The following ASXL2 variants were observed in gnomAD, a reference collection of about 807,000 sequenced individuals.
ASXL2 encodes the protein putative Polycomb group protein ASXL2.
In ASXL2, 23 loss-of-function variants were observed where a neutral mutation model predicts 122.0. The observed-to-expected ratio is 0.19, with a 90% CI of 0.14 to 0.27. ASXL2 has a LOEUF of 0.27. Ranked by LOEUF, ASXL2 falls within the 10% of genes least tolerant of loss-of-function variation. ASXL2 has a pLI of 1.00. For missense variants in ASXL2, 1,518 were observed against 1,713.8 expected (o/e 0.89, Z 2.02); for synonymous variants, 650 against 637.0 (o/e 1.02, Z -0.31).
chr2:25,768,965 C>T (rs1362996010), intron 6 of ASXL2, 97 bp from the exon 7 acceptor site: 12 of 1,346,198 alleles, frequency 8.9e-6, no homozygotes, highest in African/African-American at 4.4e-5. Flanking sequence ...GCATGCTGAT[C>T]GTTCAATTTC....
At chr2:25,771,236 A>G (rs931330078) in intron 6 of ASXL2, among the ~76,000 whole-genome samples, 1 of 152,230 alleles carries the variant, frequency 6.6e-6, no homozygotes, top group Non-Finnish European at 1.5e-5. Context: ...TGTCTCAGAA[A>G]AACAAAGTAT....
At chr2:25,810,293 C>A in intron 3 of ASXL2, 1 of 639,460 alleles carries the variant, frequency 1.6e-6, no homozygotes. Context: ...CCTCTTCATA[C>A]TTCCTATCTG....
chr2:25,759,792 T>C (rs1472082911), intron 8 of ASXL2, 147 bp from the exon 9 acceptor site: 1 of 821,168 alleles, frequency 1.2e-6, no homozygotes, highest in African/African-American at 1.7e-5. Context: ...GATCTTAGAA[T>C]TTTCTTCTAA....
At chr2:25,841,442 G>C (rs1420814596) in intron 2 of ASXL2, among the ~76,000 whole-genome samples, 1 of 152,164 alleles carries the variant, frequency 6.6e-6, no homozygotes, top group Admixed American at 6.5e-5. Context: ...GCTGAGGAGT[G>C]GGGAAAGATA....
Position 25,742,310 on chromosome 2 carries a change from A to G in ASXL2, c.4027T>C (p.Ser1343Pro), listed in dbSNP as rs1441233432. 1 of 1,613,214 alleles carries G rather than the reference A, an allele frequency of 6.2e-7. No homozygotes were observed. Among genetic ancestry groups the G allele is most frequent in the Non-Finnish European group, 8.5e-7 (1 of 1,179,768 alleles). Residue 1343 changes from serine (S) to proline (P), a missense_variant, in exon 13 of 13, where the codon TCT becomes CCT. Ser to Pro is a moderately conservative substitution (Grantham distance 74). Coordinates refer to ENST00000435504, the MANE Select transcript of ASXL2 (RefSeq NM_018263.6). ...VSTSSDMDHN[S>P]AVPGSQVSSN... is the part of the protein sequence containing the mutation. ...GATACCTGGCTACCTGGTACAGCAG[A>G]GTTATGGTCCATGTCAGATGAGGTG...
At chr2:25,851,716 C>A (rs867578089) in intron 1 of ASXL2, among the ~76,000 whole-genome samples, 3 of 152,154 alleles carry the variant, frequency 2.0e-5, no homozygotes, top group Non-Finnish European at 4.4e-5. Flanking sequence ...CATGACCAAA[C>A]CCTGGTTCTA....
chr2:25,757,941 A>G (rs1298754441), intron 9 of ASXL2, among the ~76,000 whole-genome samples: 2 of 136,708 alleles, frequency 1.5e-5, no homozygotes, highest in African/African-American at 5.5e-5. Flanking sequence ...AAAAAAAAAA[A>G]GATGAGAGCA....
At chr2:25,801,581 T>A (rs13413825) in intron 4 of ASXL2, among the ~76,000 whole-genome samples, 48,740 of 152,110 alleles carry the variant, frequency 0.32, 8,339 homozygotes, top group African/African-American at 0.41. Flanking sequence ...AGACATCTTG[T>A]CATATAGGTT....
chr2:25,806,301 A>AG lies in ASXL2; in HGVS notation c.179_180insC (p.His61SerfsTer7). On this transcript the variant is annotated frameshift_variant, in exon 4 of 13. Transcript: ENST00000435504. LOFTEE classifies it high-confidence loss of function. ...CCTCTTCACCTCTGGAGTTTGTGTG[A>AG]AGCATTGCATTCAGGCATGCAAGAG... 6.2e-7 allele frequency: 1 copy of AG among 1,613,434 alleles called. No homozygotes were observed. The highest frequency in any genetic ancestry group is 8.5e-7 in the Non-Finnish European group (1 of 1,179,642).
chr2:25,794,171 A>G (rs1370076605), intron 5 of ASXL2, among the ~76,000 whole-genome samples: 1 of 152,236 alleles, frequency 6.6e-6, no homozygotes, highest in African/African-American at 2.4e-5. Flanking sequence ...TCCTGATTTA[A>G]AGTAGTTCTG....
rs2149146432 is a variant in ASXL2 at position 25,759,527 on chromosome 2, A to G, written c.894T>C (p.Asp298=). The G allele has an allele frequency of 6.2e-7, 1 of 1,613,996 alleles. No individual in the cohort carries two copies. The highest frequency in any genetic ancestry group is 8.5e-7 in the Non-Finnish European group (1 of 1,179,876). ...NKHTFSVLPG[D]CQQRLLLLLP... ...GTAGTAAAAGCAGTCGTTGCTGGCA[A>G]TCTCCAGGAAGGACTGAAAATGTGT... is the stretch of plus-strand genomic sequence containing the variant. The change falls in exon 9 of 13, where the codon GAT becomes GAC. Residue 298 remains aspartate (D), a synonymous_variant. Transcript: ENST00000435504.
intron 3 of ASXL2, chr2:25,809,934 A>G: frequency 1.9e-6 from 1 of 521,318 alleles, no homozygotes; most frequent in South Asian, 1.4e-5. Context: ...TCTACATCTC[A>G]TTCAGGTCAA....
intron 1 of ASXL2, chr2:25,856,843 A>G (rs2089785340): frequency 1.1e-6 from 1 of 923,394 alleles, no homozygotes. Context: ...TCCACCCCTG[A>G]GAGGAACGAG....
chr2:25,842,966 C>T (rs2089604726), intron 2 of ASXL2, among the ~76,000 whole-genome samples: 1 of 150,364 alleles, frequency 6.7e-6, no homozygotes, highest in Non-Finnish European at 1.5e-5. Flanking sequence ...GGATTACACG[C>T]AAGCGTCACC....
intron 2 of ASXL2, among the ~76,000 whole-genome samples, chr2:25,838,000 G>A (rs1046406070): frequency 7.3e-5 from 11 of 150,988 alleles, no homozygotes; most frequent in African/African-American, 1.2e-4. Flanking sequence ...GCACGGTGGC[G>A]CACGCCTGTG....
Position 25,741,973 on chromosome 2 carries a change from C to T in ASXL2, c.*56G>A, listed in dbSNP as rs2087834588. ...TGATTCCAAAAGGACGCAAAAAACC[C>T]AACTGGTCAACCCTTCCCTTCCCCC... On this transcript the variant is annotated 3_prime_UTR_variant, in exon 13 of 13. Coordinates refer to ENST00000435504, the MANE Select transcript of ASXL2 (RefSeq NM_018263.6). 1 of 1,518,696 alleles carries T rather than the reference C, an allele frequency of 6.6e-7. No individual in the cohort carries two copies. Among genetic ancestry groups the T allele is most frequent in the African/African-American group, 1.4e-5 (1 of 72,010 alleles). The allele number at this position is 1,518,696 out of a possible 1,614,324, so 94.1% of individuals were successfully genotyped here. A position where few individuals can be genotyped will look rare whatever the true frequency, so the allele number is the denominator to read the frequency against.
At chr2:25,816,422 A>G (rs559328667) in intron 3 of ASXL2, among the ~76,000 whole-genome samples, 12 of 152,306 alleles carry the variant, frequency 7.9e-5, no homozygotes, top group East Asian at 1.9e-4. Context: ...CCCTGCCACA[A>G]TGATGTTCGT....
At chr2:25,806,411 CAAAAT>C (rs757509207) in intron 3 of ASXL2, 74 bp from the exon 4 acceptor site, 5 of 983,752 alleles carry the variant, frequency 5.1e-6, no homozygotes, top group East Asian at 5.3e-5. Flanking sequence ...ATGTAACACT[CAAAAT>C]AAAATTAATT....
chr2:25,810,366 C>T (rs919329827), intron 3 of ASXL2: 26 of 661,190 alleles, frequency 3.9e-5, no homozygotes, highest in Non-Finnish European at 7.0e-5. Flanking sequence ...CTTTTAAGGT[C>T]CAGTTTTTAA....
Sources: allele counts gnomAD v4.1 joint callset (sites outside exome capture counted in the v4.1 genomes callset), GRCh38; gene constraint gnomAD v4.1.1; transcripts MANE v1.5; gene names NCBI Gene and HGNC (gene_info 2026-07-23, HGNC 2026-07-21).